The following AKT3 variants were observed in gnomAD, a reference collection of about 807,000 sequenced individuals.
AKT3 encodes the protein RAC-gamma serine/threonine-protein kinase.
In AKT3, 15 loss-of-function variants were observed where a neutral mutation model predicts 65.3. The ratio of observed to expected loss-of-function variants is 0.23; its 90% CI spans 0.15 to 0.35. The LOEUF (loss-of-function observed/expected upper bound fraction) is 0.35. Ranked by LOEUF, AKT3 falls within the 10% of genes least tolerant of loss-of-function variation. AKT3 has a pLI of 1.00. For synonymous variants in AKT3, 206 were observed against 183.8 expected (o/e 1.12, Z -0.98); for missense variants, 243 against 576.5 (o/e 0.42, Z 5.92).
intron 3 of AKT3, among the ~76,000 whole-genome samples, chr1:243,672,573 C>G (rs1239538093): frequency 6.6e-6 from 1 of 152,190 alleles, no homozygotes; most frequent in Non-Finnish European, 1.5e-5. Flanking sequence ...ACATTTCCCT[C>G]TAGAAGATGT....
chr1:243,513,394 G>A (rs1295778112), intron 12 of AKT3, among the ~76,000 whole-genome samples: 1 of 152,136 alleles, frequency 6.6e-6, no homozygotes, highest in Non-Finnish European at 1.5e-5. Flanking sequence ...CACGGGGATA[G>A]GAACATGGCA....
intron 12 of AKT3, among the ~76,000 whole-genome samples, chr1:243,545,003 G>A (rs1466506732): frequency 6.6e-6 from 1 of 151,862 alleles, no homozygotes; most frequent in Non-Finnish European, 1.5e-5. Flanking sequence ...TGGCCTAGTA[G>A]TATTAATTTT....
chr1:243,762,471 C>A (rs573169367), intron 2 of AKT3, among the ~76,000 whole-genome samples: 1 of 152,106 alleles, frequency 6.6e-6, no homozygotes, highest in South Asian at 2.1e-4. Context: ...ATGAAAGCAT[C>A]CAAAAACTGT....
intron 2 of AKT3, among the ~76,000 whole-genome samples, chr1:243,715,793 T>C (rs996808677): frequency 1.2e-4 from 19 of 152,214 alleles, no homozygotes; most frequent in Non-Finnish European, 2.2e-4. Flanking sequence ...TAAAAAGCCA[T>C]TCTTAGTGGA....
intron 6 of AKT3, among the ~76,000 whole-genome samples, chr1:243,631,417 T>C (rs1679602816): frequency 6.6e-6 from 1 of 152,192 alleles, no homozygotes; most frequent in African/African-American, 2.4e-5. Flanking sequence ...GCCTCCCAAG[T>C]AGCTGGGATT....
At chr1:243,735,018 T>C (rs927057074) in intron 2 of AKT3, 1 of 152,182 alleles carries the variant, frequency 6.6e-6, no homozygotes. Flanking sequence ...TGGAGGGCTT[T>C]TGGGGGCAAT....
intron 2 of AKT3, among the ~76,000 whole-genome samples, chr1:243,738,471 C>T (rs186811635): frequency 9.7e-4 from 148 of 152,276 alleles, no homozygotes; most frequent in South Asian, 6.4e-3. Flanking sequence ...AGGGCTTCAA[C>T]TTTAGGGAGG....
chr1:243,677,700 TA>T (rs1683615490), intron 3 of AKT3, among the ~76,000 whole-genome samples: 1 of 151,490 alleles, frequency 6.6e-6, no homozygotes, highest in Non-Finnish European at 1.5e-5. Context: ...TGGAGAAAAA[TA>T]AAAAGGTAGG....
intron 3 of AKT3, among the ~76,000 whole-genome samples, chr1:243,669,269 A>C (rs1047709262): frequency 6.6e-6 from 1 of 152,154 alleles, no homozygotes; most frequent in Non-Finnish European, 1.5e-5. Flanking sequence ...AGGACATAGG[A>C]GTATACAATA....
chr1:243,682,803 G>GA lies in AKT3; in HGVS notation c.172+12787dup, dbSNP rs1684014594. Reference sequence around the variant, plus strand: ...AAATTAATGCTATTCTTGTTACCTGGAAAGTAACTTTATCTTTTGAAATCT... The same window carrying GA: ...AAATTAATGCTATTCTTGTTACCTGGAAAAGTAACTTTATCTTTTGAAATCT... On this transcript the variant is annotated intron_variant, in intron 3 of 13. Transcript: ENST00000673466. 4.6e-5 allele frequency among the ~76,000 whole-genome samples: 7 copies of GA among 152,116 alleles called. No homozygotes were observed. In the South Asian group the frequency reaches 1.5e-3, roughly 32 times the overall value.
intron 12 of AKT3, among the ~76,000 whole-genome samples, chr1:243,520,856 A>G (rs1033074537): frequency 3.3e-5 from 5 of 152,218 alleles, no homozygotes; most frequent in Non-Finnish European, 5.9e-5. Flanking sequence ...TCTTTTATCA[A>G]ATTTTAAATG....
chr1:243,620,523 CT>C (rs986707716), intron 6 of AKT3, among the ~76,000 whole-genome samples: 46 of 122,538 alleles, frequency 3.8e-4, no homozygotes, highest in South Asian at 1.0e-3. Flanking sequence ...GCAATGTATA[CT>C]TTTTTTTTTC....
chr1:243,837,703 A>G (rs1694979370), intron 2 of AKT3, among the ~76,000 whole-genome samples: 1 of 152,200 alleles, frequency 6.6e-6, no homozygotes. Flanking sequence ...CACTCATGAT[A>G]AAAACTCTCC....
At chr1:243,731,075 A>G (rs1687531655) in intron 2 of AKT3, among the ~76,000 whole-genome samples, 1 of 152,224 alleles carries the variant, frequency 6.6e-6, no homozygotes, top group Non-Finnish European at 1.5e-5. Context: ...AAACTCAAGC[A>G]GGGGCGCCAC....
chr1:243,730,236 C>A (rs543140319), intron 2 of AKT3, among the ~76,000 whole-genome samples: 1 of 152,196 alleles, frequency 6.6e-6, no homozygotes, highest in Non-Finnish European at 1.5e-5. Flanking sequence ...ATAAAAACCC[C>A]AGCTTCAGCT....
chr1:243,720,235 G>A (rs1268147057), intron 2 of AKT3, among the ~76,000 whole-genome samples: 1 of 151,856 alleles, frequency 6.6e-6, no homozygotes, highest in Non-Finnish European at 1.5e-5. Flanking sequence ...GGAGGTGAGG[G>A]TGCAGTGAGC....
downstream of AKT3, among the ~76,000 whole-genome samples, chr1:243,497,341 G>C (rs970669656): frequency 1.1e-4 from 17 of 149,996 alleles, no homozygotes; most frequent in African/African-American, 1.2e-4. Context: ...CACGGGTGGG[G>C]GGGGGGGCGT....
chr1:243,676,050 T>G (rs1292401847), intron 3 of AKT3, among the ~76,000 whole-genome samples: 1 of 152,182 alleles, frequency 6.6e-6, no homozygotes, highest in African/African-American at 2.4e-5. Flanking sequence ...TATATTTTAC[T>G]GAGGGGATGA....
At chr1:243,820,183 T>C (rs1437407341) in intron 2 of AKT3, among the ~76,000 whole-genome samples, 1 of 152,082 alleles carries the variant, frequency 6.6e-6, no homozygotes, top group Non-Finnish European at 1.5e-5. Context: ...CCTCCCAAAG[T>C]GCTGGGATTA....
Sources: gnomAD v4.1 joint callset for allele counts (sites outside exome capture counted in the v4.1 genomes callset) on GRCh38, gnomAD v4.1.1 for gene constraint, MANE v1.5 for transcripts, NCBI Gene and HGNC (gene_info 2026-07-23, HGNC 2026-07-21) for gene names.